The following SH3RF3 variants were observed in gnomAD, a reference collection of about 807,000 sequenced individuals.
SH3RF3 encodes the protein E3 ubiquitin-protein ligase SH3RF3.
A neutral mutation model predicts 66.3 loss-of-function variants in SH3RF3; 29 were observed. The observed-to-expected ratio is 0.44, with a 90% CI of 0.33 to 0.60. The LOEUF (loss-of-function observed/expected upper bound fraction) is 0.60, where lower values mean the gene tolerates loss of function less well. Ranked by LOEUF, SH3RF3 falls within the 20% of genes least tolerant of loss-of-function variation. The probability of loss-of-function intolerance (pLI) is 0.04; values close to 1 mark genes in which losing one functional copy is unlikely to be tolerated. For missense variants in SH3RF3, 1,194 were observed against 1,190.9 expected, an observed-to-expected ratio of 1.00 and a Z score of -0.04; for synonymous variants, 583 against 532.0, an observed-to-expected ratio of 1.10 and a Z score of -1.32.
chr2:109,289,562 T>G (rs61186134), intron 1 of SH3RF3, among the ~76,000 whole-genome samples: 1 of 152,206 alleles, frequency 6.6e-6, no homozygotes, highest in African/African-American at 2.4e-5. Context: ...GGGACCATGG[T>G]GTAGCACTGG....
At chr2:109,185,408 G>T (rs1574492214) in intron 1 of SH3RF3, among the ~76,000 whole-genome samples, 1 of 152,210 alleles carries the variant, frequency 6.6e-6, no homozygotes, top group South Asian at 2.1e-4. Flanking sequence ...GGAACCTAAA[G>T]AAAAATTCTT....
At chr2:109,489,930 G>A (rs1445296936) in intron 8 of SH3RF3, among the ~76,000 whole-genome samples, 1 of 152,178 alleles carries the variant, frequency 6.6e-6, no homozygotes, top group South Asian at 2.1e-4. Context: ...TAGAGACAGG[G>A]TTTCACCATG....
At chr2:109,391,205 T>C (rs555772110) in intron 3 of SH3RF3, among the ~76,000 whole-genome samples, 2 of 152,380 alleles carry the variant, frequency 1.3e-5, no homozygotes, top group African/African-American at 4.8e-5. Context: ...ATTTGTGCAG[T>C]GCAGGTCTGC....
At chr2:109,187,099 C>G (rs995544484) in intron 1 of SH3RF3, among the ~76,000 whole-genome samples, 2 of 149,802 alleles carry the variant, frequency 1.3e-5, no homozygotes, top group African/African-American at 4.8e-5. Flanking sequence ...CATGACCACA[C>G]TCTTTGCTGG....
intron 1 of SH3RF3, among the ~76,000 whole-genome samples, chr2:109,253,384 A>G (rs1422505434): frequency 2.0e-5 from 3 of 152,136 alleles, no homozygotes; most frequent in Non-Finnish European, 2.9e-5. Context: ...AGTGTTTACA[A>G]AGAAGAGGCC....
chr2:109,354,946 T>G (rs1682917549), intron 2 of SH3RF3, among the ~76,000 whole-genome samples: 1 of 152,162 alleles, frequency 6.6e-6, no homozygotes, highest in South Asian at 2.1e-4. Flanking sequence ...GATATAGTTT[T>G]TTAGTAACCA....
intron 8 of SH3RF3, among the ~76,000 whole-genome samples, chr2:109,451,367 C>T (rs1227265808): frequency 3.3e-5 from 5 of 152,202 alleles, no homozygotes; most frequent in Non-Finnish European, 7.3e-5. Context: ...AAGCATTCTT[C>T]CTTCTTCTGA....
intron 1 of SH3RF3, among the ~76,000 whole-genome samples, chr2:109,306,532 C>T (rs1681602240): frequency 1.3e-5 from 2 of 152,184 alleles, no homozygotes; most frequent in South Asian, 4.1e-4. Context: ...CCGACCTGCC[C>T]TTGTGGATGC....
At chr2:109,166,274 C>T (rs993325049) in intron 1 of SH3RF3, among the ~76,000 whole-genome samples, 14 of 151,876 alleles carry the variant, frequency 9.2e-5, no homozygotes, top group African/African-American at 2.4e-4. Flanking sequence ...GTCAGGAGAT[C>T]GAGACCATCC....
At position 109,313,626 on chromosome 2, in the gene SH3RF3, G is replaced by A. The variant is rs939639872; in HGVS notation, c.574-34048G>A. 4.5e-5 allele frequency: 7 copies of A among 154,998 alleles called. No homozygotes were observed. The East Asian group carries it at 1.3e-3, about 30-fold the overall frequency. 9.6% of individuals were successfully genotyped at this position (154,998 alleles called of 1,614,324 possible). On this transcript the variant is annotated intron_variant, in intron 1 of 9. Transcript: ENST00000309415. ...GAGTAGGGGCCCCGGCCAGCAGTGG[G>A]GCTCACTGCCTCTCAGGCTCAACAT...
At chr2:109,270,650 G>A (rs1378932933) in intron 1 of SH3RF3, among the ~76,000 whole-genome samples, 3 of 152,190 alleles carry the variant, frequency 2.0e-5, no homozygotes, top group African/African-American at 7.2e-5. Flanking sequence ...CTAAGCAGAG[G>A]TATGACATAG....
At chr2:109,486,841 C>A (rs904572505) in intron 8 of SH3RF3, among the ~76,000 whole-genome samples, 9 of 152,182 alleles carry the variant, frequency 5.9e-5, no homozygotes, top group African/African-American at 1.7e-4. Flanking sequence ...GAGGAAGGAC[C>A]AGTGCACCTT....
chr2:109,178,731 A>G (rs527361258), intron 1 of SH3RF3, among the ~76,000 whole-genome samples: 1 of 152,228 alleles, frequency 6.6e-6, no homozygotes, highest in African/African-American at 2.4e-5. Flanking sequence ...TAACATTTTT[A>G]ATTGGTGTGT....
chr2:109,246,855 G>A (rs1679930062), intron 1 of SH3RF3, among the ~76,000 whole-genome samples: 1 of 152,126 alleles, frequency 6.6e-6, no homozygotes, highest in Non-Finnish European at 1.5e-5. Context: ...CGATGCTGGG[G>A]GTGTCTTCCT....
intron 1 of SH3RF3, among the ~76,000 whole-genome samples, chr2:109,345,579 G>C (rs890478371): frequency 2.0e-5 from 3 of 152,138 alleles, no homozygotes; most frequent in African/African-American, 7.2e-5. Flanking sequence ...TGTTGAGGCT[G>C]GTTTTTCAAC....
intron 8 of SH3RF3, among the ~76,000 whole-genome samples, chr2:109,453,619 C>G (rs73953119): frequency 6.6e-6 from 1 of 152,206 alleles, no homozygotes; most frequent in Admixed American, 6.5e-5. Context: ...ATCCCTGACT[C>G]ATCTGTGTAT....
intron 2 of SH3RF3, among the ~76,000 whole-genome samples, chr2:109,363,761 G>GTC (rs1195483319): frequency 1.3e-5 from 2 of 152,062 alleles, no homozygotes; most frequent in South Asian, 4.1e-4. Context: ...GGTTTTTTCT[G>GTC]TCAACACCTT....
chr2:109,320,386 C>G (rs970400733), intron 1 of SH3RF3, among the ~76,000 whole-genome samples: 7 of 152,218 alleles, frequency 4.6e-5, no homozygotes, highest in Non-Finnish European at 8.8e-5. Flanking sequence ...AACGTTTGAT[C>G]TCACCACAGT....
chr2:109,449,109 G>GT, intron 7 of SH3RF3, 61 bp from the exon 8 acceptor site: 1 of 1,548,226 alleles, frequency 6.5e-7, no homozygotes, highest in Non-Finnish European at 8.7e-7. Flanking sequence ...CAGCTGCCTG[G>GT]CAGGCATGGC....
Sources: gnomAD v4.1 joint callset for allele counts (sites outside exome capture counted in the v4.1 genomes callset) on GRCh38, gnomAD v4.1.1 for gene constraint, MANE v1.5 for transcripts, NCBI Gene and HGNC (gene_info 2026-07-23, HGNC 2026-07-21) for gene names.